UNC5C: variants seen among roughly 807,000 people sequenced by gnomAD.
The protein encoded by UNC5C is unc-5 netrin receptor C.
A neutral mutation model predicts 99.8 loss-of-function variants in UNC5C; 47 were observed. That is an observed-to-expected ratio of 0.47 (90% CI 0.37 to 0.60). The LOEUF is 0.60. Ranked by LOEUF, UNC5C falls within the 20% of genes least tolerant of loss-of-function variation. The probability of loss-of-function intolerance (pLI) is 0.00; values close to 1 mark genes in which losing one functional copy is unlikely to be tolerated. For synonymous variants in UNC5C, 487 were observed against 452.2 expected, an observed-to-expected ratio of 1.08 and a Z score of -0.98; for missense variants, 1,062 against 1,165.9, an observed-to-expected ratio of 0.91 and a Z score of 1.30.
intron 2 of UNC5C, among the ~76,000 whole-genome samples, chr4:95,312,390 CAT>C (rs1403364379): frequency 1.3e-5 from 2 of 152,068 alleles, no homozygotes; most frequent in Non-Finnish European, 2.9e-5. Context: ...ATGATCTGTA[CAT>C]ATATATAGTT....
At chr4:95,480,678 T>A (rs1296698958) in intron 1 of UNC5C, among the ~76,000 whole-genome samples, 2 of 152,000 alleles carry the variant, frequency 1.3e-5, no homozygotes, top group African/African-American at 4.8e-5. Context: ...GTGGGCTTCA[T>A]CCCTGGGATG....
chr4:95,247,161 A>G (rs1739533280), intron 5 of UNC5C, among the ~76,000 whole-genome samples: 1 of 152,154 alleles, frequency 6.6e-6, no homozygotes, highest in African/African-American at 2.4e-5. Flanking sequence ...CCTTTTCTGT[A>G]TTCCAAATTT....
At chr4:95,326,491 AT>A (rs1317720960) in intron 2 of UNC5C, among the ~76,000 whole-genome samples, 2 of 152,180 alleles carry the variant, frequency 1.3e-5, no homozygotes, top group Non-Finnish European at 2.9e-5. Context: ...GTAGATCATG[AT>A]TTCTATGGAA....
At chr4:95,353,048 T>C (rs1744045111) in intron 1 of UNC5C, among the ~76,000 whole-genome samples, 1 of 152,176 alleles carries the variant, frequency 6.6e-6, no homozygotes, top group South Asian at 2.1e-4. Context: ...TCCATCAATA[T>C]AGCCTTTAAA....
intron 4 of UNC5C, among the ~76,000 whole-genome samples, chr4:95,255,376 T>C (rs1739933852): frequency 6.6e-6 from 1 of 152,158 alleles, no homozygotes; most frequent in South Asian, 2.1e-4. Context: ...GGGCCTTTAT[T>C]TCTGCCAAGA....
At chr4:95,201,070 C>A (rs1158166065) in intron 12 of UNC5C, among the ~76,000 whole-genome samples, 1 of 152,164 alleles carries the variant, frequency 6.6e-6, no homozygotes, top group Non-Finnish European at 1.5e-5. Context: ...TCAGAGCCCA[C>A]CCATGCTGGC....
chr4:95,284,819 G>A (rs1465270836), intron 3 of UNC5C, among the ~76,000 whole-genome samples: 1 of 152,156 alleles, frequency 6.6e-6, no homozygotes, highest in Non-Finnish European at 1.5e-5. Flanking sequence ...AGCCTGTCAT[G>A]CCAATGTGCG....
intron 5 of UNC5C, among the ~76,000 whole-genome samples, chr4:95,245,615 T>A (rs1739476270): frequency 6.6e-6 from 1 of 152,238 alleles, no homozygotes; most frequent in African/African-American, 2.4e-5. Context: ...TTTTAAGGAT[T>A]TTTATTCACT....
intron 3 of UNC5C, among the ~76,000 whole-genome samples, chr4:95,281,650 A>G (rs1365518626): frequency 6.6e-6 from 1 of 152,214 alleles, no homozygotes; most frequent in Non-Finnish European, 1.5e-5. Flanking sequence ...AGGCAAGGAT[A>G]ATGTTATATT....
At chr4:95,281,257 T>C (rs1354547991) in intron 3 of UNC5C, among the ~76,000 whole-genome samples, 2 of 152,240 alleles carry the variant, frequency 1.3e-5, no homozygotes, top group Non-Finnish European at 2.9e-5. Flanking sequence ...TGTATTTAAA[T>C]AGAGCAATTT....
At chr4:95,198,516 T>TTAAG (rs1394294928) in intron 12 of UNC5C, among the ~76,000 whole-genome samples, 1 of 151,868 alleles carries the variant, frequency 6.6e-6, no homozygotes, top group African/African-American at 2.4e-5. Context: ...AGACTGTGAT[T>TTAAG]TAAGTCATGA....
intron 3 of UNC5C, among the ~76,000 whole-genome samples, chr4:95,288,094 A>AT: frequency 6.6e-6 from 1 of 151,276 alleles, no homozygotes; most frequent in East Asian, 1.9e-4. Flanking sequence ...TTATTTATTT[A>AT]TTTTTTGAGA....
At chr4:95,218,504 T>C (rs1337264175) in intron 9 of UNC5C, among the ~76,000 whole-genome samples, 3 of 152,198 alleles carry the variant, frequency 2.0e-5, no homozygotes, top group Non-Finnish European at 4.4e-5. Flanking sequence ...TCAAGTTAGG[T>C]TAATAAATGA....
intron 1 of UNC5C, among the ~76,000 whole-genome samples, chr4:95,386,483 T>C (rs1745215088): frequency 6.6e-6 from 1 of 152,196 alleles, no homozygotes; most frequent in African/African-American, 2.4e-5. Context: ...ACTGCAACAC[T>C]GATCTTTTGA....
At chr4:95,299,244 C>G (rs1014938466) in intron 3 of UNC5C, among the ~76,000 whole-genome samples, 2 of 152,092 alleles carry the variant, frequency 1.3e-5, no homozygotes, top group African/African-American at 4.8e-5. Context: ...GATGTGCACA[C>G]ACACAGAGTA....
chr4:95,235,409 A>T (rs1409117526), intron 7 of UNC5C, among the ~76,000 whole-genome samples: 1 of 152,128 alleles, frequency 6.6e-6, no homozygotes. Context: ...GTGGATTGCA[A>T]AAATTTTCTC....
intron 4 of UNC5C, among the ~76,000 whole-genome samples, chr4:95,270,058 C>T (rs1469354558): frequency 2.0e-5 from 3 of 152,136 alleles, no homozygotes; most frequent in Non-Finnish European, 2.9e-5. Context: ...TAATACTCTT[C>T]TGTAGACTTT....
chr4:95,507,473 G>A (rs35826499), intron 1 of UNC5C, among the ~76,000 whole-genome samples: 39,986 of 151,710 alleles, frequency 0.26, 6,428 homozygotes, highest in Non-Finnish European at 0.35. Flanking sequence ...AAGGATATTT[G>A]TCTACATGGC....
intron 12 of UNC5C, among the ~76,000 whole-genome samples, chr4:95,188,188 A>G (rs1378490005): frequency 6.6e-6 from 1 of 152,220 alleles, no homozygotes; most frequent in Non-Finnish European, 1.5e-5. Flanking sequence ...GCTGGCTCAG[A>G]CAGCTTGTCC....
Sources: gnomAD v4.1 joint callset for allele counts (sites outside exome capture counted in the v4.1 genomes callset) on GRCh38, gnomAD v4.1.1 for gene constraint, MANE v1.5 for transcripts, NCBI Gene and HGNC (gene_info 2026-07-23, HGNC 2026-07-21) for gene names.